RIN2: variants seen among roughly 807,000 people sequenced by gnomAD.
RIN2 encodes Ras and Rab interactor 2.
RIN2 carries 36 observed loss-of-function variants against 78.0 expected under a neutral mutation model. That is an observed-to-expected ratio of 0.46 (90% CI 0.35 to 0.61). RIN2 has a LOEUF of 0.61. RIN2 is among the 20% of genes least tolerant of loss of function. RIN2 has a pLI of 0.00. For synonymous variants in RIN2, 466 were observed against 466.8 expected, an observed-to-expected ratio of 1.00 and a Z score of 0.02; for missense variants, 1,087 against 1,159.7, an observed-to-expected ratio of 0.94 and a Z score of 0.91.
chr20:20,001,369 T>A lies in RIN2; in HGVS notation c.*433T>A, dbSNP rs1231374747. ...TTCCTTCCTTTCTTTTTCCTTTTTT[T>A]TTTTTTTTTTTTTTTTTTTACAAAG... On this transcript the variant is annotated 3_prime_UTR_variant, in exon 13 of 13. Coordinates refer to ENST00000255006, the MANE Select transcript of RIN2 (RefSeq NM_018993.4). 7.5e-6 allele frequency: 1 copy of A among 132,504 alleles called. No individual in the cohort carries two copies. Among genetic ancestry groups the A allele is most frequent in the Admixed American group, 8.3e-5 (1 of 12,080 alleles). 8.2% of individuals were successfully genotyped at this position (132,504 alleles called of 1,614,324 possible). A position where few individuals can be genotyped will look rare whatever the true frequency, so the allele number is the denominator to read the frequency against.
intron 1 of RIN2, among the ~76,000 whole-genome samples, chr20:19,794,207 T>C (rs966232764): frequency 9.9e-5 from 15 of 152,246 alleles, no homozygotes; most frequent in Middle Eastern, 3.4e-3. Flanking sequence ...ACTCCACCAG[T>C]AGCAGATTTC....
chr20:19,861,092 A>G (rs1436505647), intron 2 of RIN2, among the ~76,000 whole-genome samples: 2 of 152,226 alleles, frequency 1.3e-5, no homozygotes, highest in Non-Finnish European at 2.9e-5. Flanking sequence ...TTTATGAGGT[A>G]GAAAATATTC....
At chr20:19,981,936 G>C (rs1057069506) in intron 9 of RIN2, among the ~76,000 whole-genome samples, 1 of 152,192 alleles carries the variant, frequency 6.6e-6, no homozygotes, top group African/African-American at 2.4e-5. Flanking sequence ...TTACACACCT[G>C]TATTCTGCAG....
chr20:19,808,951 C>T (rs1373427686), intron 2 of RIN2, among the ~76,000 whole-genome samples: 1 of 152,218 alleles, frequency 6.6e-6, no homozygotes, highest in Non-Finnish European at 1.5e-5. Flanking sequence ...AAGGAAAGGC[C>T]AGAGCCAGGA....
At chr20:19,798,661 T>C (rs2035144533) in intron 1 of RIN2, among the ~76,000 whole-genome samples, 1 of 152,048 alleles carries the variant, frequency 6.6e-6, no homozygotes, top group African/African-American at 2.4e-5. Flanking sequence ...TTTGTGTGTG[T>C]GCGTGTAATA....
chr20:19,968,301 T>G (rs989492304), intron 7 of RIN2, among the ~76,000 whole-genome samples: 40 of 152,348 alleles, frequency 2.6e-4, no homozygotes, highest in African/African-American at 8.7e-4. Flanking sequence ...AGAGCAAAGT[T>G]AAACAAAATA....
intron 2 of RIN2, among the ~76,000 whole-genome samples, chr20:19,825,990 G>A (rs1473923500): frequency 6.6e-6 from 1 of 152,148 alleles, no homozygotes; most frequent in African/African-American, 2.4e-5. Flanking sequence ...AGCATTTTGT[G>A]ATAATTTTAT....
At chr20:19,847,630 T>C (rs1411215799) in intron 2 of RIN2, among the ~76,000 whole-genome samples, 1 of 152,180 alleles carries the variant, frequency 6.6e-6, no homozygotes, top group Non-Finnish European at 1.5e-5. Context: ...GTGCAATCAG[T>C]GTAAAATACA....
At chr20:19,963,437 C>T (rs1242089405) in intron 6 of RIN2, among the ~76,000 whole-genome samples, 1 of 151,990 alleles carries the variant, frequency 6.6e-6, no homozygotes, top group African/African-American at 2.4e-5. Context: ...TGGAGAAACC[C>T]CGTCTCTACT....
chr20:19,781,803 A>T (rs1156344847), intron 1 of RIN2, among the ~76,000 whole-genome samples: 1 of 151,810 alleles, frequency 6.6e-6, no homozygotes, highest in East Asian at 1.9e-4. Flanking sequence ...TTTTTCAAGA[A>T]AAGTATTTCC....
intron 3 of RIN2, 113 bp from the exon 4 acceptor site, chr20:19,934,986 A>G: frequency 1.5e-6 from 1 of 664,994 alleles, no homozygotes; most frequent in Non-Finnish European, 2.5e-6. Context: ...AAAAAAAGAA[A>G]TAGAAAAAGA....
chr20:19,996,809 C>T lies in RIN2; in HGVS notation c.2331C>T (p.Thr777=). 1 of 1,605,098 alleles carries T rather than the reference C, an allele frequency of 6.2e-7. No individual in the cohort carries two copies. Among genetic ancestry groups the T allele is most frequent in the East Asian group, 2.2e-5 (1 of 44,540 alleles). The change falls in exon 12 of 13, where the codon ACC becomes ACT. Residue 777 remains threonine, a synonymous_variant. Transcript: ENST00000255006. ...GGCAGTGGCACAAACGGAGAACCAC[C>T]AACCGGACCATCCCCTCTGTGGACG... ...TLRQWHKRRT[T]NRTIPSVDDF... is the part of the protein sequence containing the mutation.
At chr20:19,783,094 G>A (rs939161312) in intron 1 of RIN2, among the ~76,000 whole-genome samples, 1 of 152,208 alleles carries the variant, frequency 6.6e-6, no homozygotes, top group Non-Finnish European at 1.5e-5. Context: ...GGTGGTGGGT[G>A]GGAGTCTATA....
In RIN2 at chr20:19,933,865, G is replaced by A. The variant is rs537222645; in HGVS notation, c.58-1234G>A. On this transcript the variant is annotated intron_variant, in intron 3 of 12. Transcript: ENST00000255006. Reference sequence around the variant, plus strand: ...ACTCTGTCGCCCAGGCTGGAGTGCAGTGGCATGATCTTGGCTCACTGCAAC... The same window carrying A: ...ACTCTGTCGCCCAGGCTGGAGTGCAATGGCATGATCTTGGCTCACTGCAAC... 5.3e-5 allele frequency among the ~76,000 whole-genome samples: 8 copies of A among 152,258 alleles called. No homozygotes were observed. The East Asian group carries it at 1.5e-3, about 29-fold the overall frequency.
chr20:19,775,459 G>C (rs62200328), intron 1 of RIN2, among the ~76,000 whole-genome samples: 13,611 of 152,192 alleles, frequency 0.089, 605 homozygotes, highest in South Asian at 0.12. Flanking sequence ...GTGGAGGTAT[G>C]CCTACCCTTC....
intron 4 of RIN2, among the ~76,000 whole-genome samples, chr20:19,941,967 G>T (rs1034112803): frequency 8.6e-5 from 13 of 151,974 alleles, no homozygotes; most frequent in African/African-American, 3.1e-4. Context: ...ACAAAAATTA[G>T]CCAGGCGCAG....
intron 8 of RIN2, among the ~76,000 whole-genome samples, chr20:19,973,874 A>C (rs141243720): frequency 6.6e-6 from 1 of 152,186 alleles, no homozygotes; most frequent in Non-Finnish European, 1.5e-5. Context: ...CTCAACTTAC[A>C]TGGAACACTG....
chr20:19,921,642 G>T (rs974934384), intron 3 of RIN2, among the ~76,000 whole-genome samples: 1 of 152,168 alleles, frequency 6.6e-6, no homozygotes, highest in African/African-American at 2.4e-5. Context: ...CCACCGAGCG[G>T]CGCCAAGCAG....
intron 1 of RIN2, among the ~76,000 whole-genome samples, chr20:19,784,944 A>G (rs918793498): frequency 2.6e-5 from 4 of 152,204 alleles, no homozygotes; most frequent in African/African-American, 4.8e-5. Flanking sequence ...GGTGATATCC[A>G]GAAAGAAGGC....
Sources: allele counts gnomAD v4.1 joint callset (sites outside exome capture counted in the v4.1 genomes callset), GRCh38; gene constraint gnomAD v4.1.1; transcripts MANE v1.5; gene names NCBI Gene and HGNC (gene_info 2026-07-23, HGNC 2026-07-21).